Variants in NINL observed in about 807,000 individuals in gnomAD.
NINL encodes ninein like, also known as ninein-like protein.
NINL carries 153 observed loss-of-function variants against 160.3 expected under a neutral mutation model. The observed-to-expected ratio is 0.95, with a 90% CI of 0.84 to 1.09. The LOEUF is 1.09. Among genes scored for constraint, NINL ranks in the 50% least tolerant of loss-of-function variants. NINL has a pLI of 0.00. For missense variants in NINL, 1,829 were observed against 1,764.0 expected (o/e 1.04, Z -0.66); for synonymous variants, 800 against 734.8 (o/e 1.09, Z -1.43).
At chr20:25,509,614 T>C (rs2064030711) in intron 5 of NINL, 3 of 455,026 alleles carry the variant, frequency 6.6e-6, no homozygotes, top group East Asian at 7.0e-5. Context: ...GCTTCACACC[T>C]GGGTAGTTCC....
intron 20 of NINL, 104 bp downstream of exon 20, chr20:25,462,279 C>T (rs1432923716): frequency 9.0e-7 from 1 of 1,111,534 alleles, no homozygotes; most frequent in East Asian, 2.5e-5. Context: ...AAGTCCCTCA[C>T]TTCCCTCCAG....
Position 25,476,287 on chromosome 20 carries a change from C to T in NINL, c.3004G>A (p.Glu1002Lys), listed in dbSNP as rs779687148. Residue 1002 changes from glutamate (E) to lysine (K), a missense_variant, in exon 17 of 24, where the codon GAG (glutamate) becomes AAG (lysine). By Grantham distance (56) the Glu-to-Lys change is moderately conservative (BLOSUM62 1). Transcript: ENST00000278886. ...EQASEQQARA[E>K]GALEPGCHKH... ...TGACACCCAGGCTCCAGGGCGCCCT[C>T]GGCCCGGGCCTGCTGCTCCGAGGCC... 7.4e-6 allele frequency: 12 copies of T among 1,613,410 alleles called. No individual in the cohort carries two copies. The highest frequency in any genetic ancestry group is 1.7e-4 in the Middle Eastern group (1 of 6,050).
At chr20:25,517,671 G>T in intron 3 of NINL, 82 bp downstream of exon 3, 1 of 1,080,800 alleles carries the variant, frequency 9.3e-7, no homozygotes, top group Non-Finnish European at 1.3e-6. Flanking sequence ...TTTCAGAACT[G>T]CTGGATTCTT....
intron 1 of NINL, among the ~76,000 whole-genome samples, chr20:25,530,504 G>C (rs993409403): frequency 2.6e-5 from 4 of 152,072 alleles, no homozygotes; most frequent in Admixed American, 6.6e-5. Flanking sequence ...TGAGGGGCAG[G>C]GGAGTATCGG....
At chr20:25,544,225 A>C (rs956375286) in intron 1 of NINL, among the ~76,000 whole-genome samples, 9 of 152,088 alleles carry the variant, frequency 5.9e-5, no homozygotes, top group African/African-American at 2.2e-4. Context: ...AGTGACGATG[A>C]GTGGCCCCAG....
At chr20:25,508,299 C>G (rs1400371000) in intron 5 of NINL, among the ~76,000 whole-genome samples, 1 of 152,246 alleles carries the variant, frequency 6.6e-6, no homozygotes, top group African/African-American at 2.4e-5. Context: ...TGTTTCTGCA[C>G]AGTCAGCCCA....
chr20:25,466,546 TC>T (rs947927200), intron 19 of NINL, among the ~76,000 whole-genome samples: 5 of 151,970 alleles, frequency 3.3e-5, no homozygotes, highest in Non-Finnish European at 7.4e-5. Flanking sequence ...ACACCTATAA[TC>T]CCAGCAATTT....
intron 1 of NINL, among the ~76,000 whole-genome samples, chr20:25,538,804 G>A (rs891791355): frequency 6.6e-6 from 1 of 151,938 alleles, no homozygotes; most frequent in Non-Finnish European, 1.5e-5. Context: ...GGGGAGCACA[G>A]GGGTGGAGAA....
chr20:25,455,778 A>G lies in NINL; in HGVS notation c.3852T>C (p.His1284=), dbSNP rs753880290. The G allele has an allele frequency of 1.9e-6, 3 of 1,613,822 alleles. No individual in the cohort carries two copies. The highest frequency in any genetic ancestry group is 2.5e-6 in the Non-Finnish European group (3 of 1,179,816). The stretch of plus-strand genomic sequence containing the variant: ...CTTCTGTGGCTTTCAGCTGTTTCTC[A>G]TGTTCTTCCTGCCATAAAAGAAGGT... ...RRRLDAQREE[H]EKQLKATEER... Residue 1284 remains histidine (H), a synonymous_variant, in exon 23 of 24, where the codon CAT becomes CAC. Coordinates refer to ENST00000278886, the MANE Select transcript of NINL (RefSeq NM_025176.6).
intron 11 of NINL, among the ~76,000 whole-genome samples, chr20:25,490,888 G>A (rs780211948): frequency 2.0e-5 from 3 of 152,180 alleles, no homozygotes; most frequent in Admixed American, 6.5e-5. Context: ...CCTCTGTCCC[G>A]CTGCGATGCC....
intron 12 of NINL, 70 bp downstream of exon 12, chr20:25,489,805 A>G (rs948488041): frequency 7.7e-7 from 1 of 1,305,406 alleles, no homozygotes; most frequent in African/African-American, 1.5e-5. Flanking sequence ...CTCCCTGGCC[A>G]CCCCCGCCAC....
chr20:25,476,761 G>A lies in NINL; in HGVS notation c.2530C>T (p.Arg844Cys), dbSNP rs369908739. The change falls in exon 17 of 24, where the codon CGT becomes TGT. Residue 844 changes from arginine (R) to cysteine (C), a missense_variant. By Grantham distance (180) the Arg-to-Cys change is radical. Transcript: ENST00000278886. The stretch of plus-strand genomic sequence containing the variant: ...CCCGGACGCAGTGGTAGGAGGCCAC[G>A]TGTGCCCTCCTGGCCACTTCCTGCC... Reference protein sequence around the residue: ...LVAGSGQEGTRGLLPLRPGCG... With the variant: ...LVAGSGQEGTCGLLPLRPGCG... 35 of 1,610,048 alleles carry A rather than the reference G, an allele frequency of 2.2e-5. No homozygotes were observed. The highest frequency in any genetic ancestry group is 3.3e-4 in the Middle Eastern group (2 of 6,082).
At chr20:25,560,622 T>A (rs1328968304) in intron 1 of NINL, among the ~76,000 whole-genome samples, 1 of 152,132 alleles carries the variant, frequency 6.6e-6, no homozygotes, top group Non-Finnish European at 1.5e-5. Flanking sequence ...GCTGAAGATC[T>A]CTTTTTCTCC....
intron 1 of NINL, among the ~76,000 whole-genome samples, chr20:25,581,352 G>C (rs767611462): frequency 4.6e-5 from 7 of 151,798 alleles, no homozygotes; most frequent in Non-Finnish European, 1.0e-4. Flanking sequence ...TGAGACAAGA[G>C]AATCGCTTGA....
intron 13 of NINL, 53 bp downstream of exon 13, chr20:25,489,191 G>C (rs1236784751): frequency 1.0e-5 from 16 of 1,542,002 alleles, no homozygotes; most frequent in Non-Finnish European, 1.3e-5. Context: ...ACCTGCGTGT[G>C]GAGACCCAGA....
intron 6 of NINL, among the ~76,000 whole-genome samples, 172 bp downstream of exon 6, chr20:25,504,716 G>T (rs16987799): frequency 0.099 from 15,116 of 152,292 alleles, 1,274 homozygotes; most frequent in African/African-American, 0.23. Context: ...GCTTTCAAAG[G>T]TGTCTGGAGA....
intron 1 of NINL, among the ~76,000 whole-genome samples, chr20:25,543,197 CACCT>C (rs1393502820): frequency 1.3e-5 from 2 of 152,100 alleles, no homozygotes; most frequent in East Asian, 1.9e-4. Flanking sequence ...AATACCCACC[CACCT>C]GTTAGAAACA....
chr20:25,491,318 C>T (rs773643701), intron 11 of NINL, 33 bp downstream of exon 11: 2 of 1,580,536 alleles, frequency 1.3e-6, no homozygotes, highest in Non-Finnish European at 1.7e-6. Flanking sequence ...AGGCACCCCC[C>T]CAGCTTCCTG....
At chr20:25,555,894 C>T (rs1172829922) in intron 1 of NINL, among the ~76,000 whole-genome samples, 2 of 151,990 alleles carry the variant, frequency 1.3e-5, no homozygotes, top group Non-Finnish European at 2.9e-5. Flanking sequence ...AGGCTGGTCT[C>T]GAACTCCTGA....
Sources: allele counts gnomAD v4.1 joint callset (sites outside exome capture counted in the v4.1 genomes callset), GRCh38; gene constraint gnomAD v4.1.1; transcripts MANE v1.5; gene names NCBI Gene and HGNC (gene_info 2026-07-23, HGNC 2026-07-21).